The following DMRT1 variants were observed in gnomAD, a reference collection of about 807,000 sequenced individuals.
DMRT1 encodes doublesex- and mab-3-related transcription factor 1.
DMRT1 carries 7 observed loss-of-function variants against 32.3 expected under a neutral mutation model. The observed-to-expected ratio is 0.22, with a 90% confidence interval of 0.12 to 0.41. The LOEUF is 0.41. Ranked by LOEUF, DMRT1 falls within the 10% of genes least tolerant of loss-of-function variation. DMRT1 has a pLI of 1.00. For missense variants in DMRT1, 625 were observed against 500.5 expected (o/e 1.25, Z -2.37); for synonymous variants, 278 against 206.1 (o/e 1.35, Z -2.99).
Position 963,619 on chromosome 9 carries a change from T to G in DMRT1, c.968-4366T>G, listed in dbSNP as rs947185300. Among the ~76,000 whole-genome samples the G allele has an allele frequency of 3.3e-5, 5 of 152,190 alleles. No homozygotes were observed. In the East Asian group the frequency reaches 9.6e-4, roughly 29 times the overall value. Reference sequence around the variant, plus strand: ...CATTCATATCTTTACCTTTTATCCCTTGTTCTGAGTGCCAAGAATTAATGC... The same window carrying G: ...CATTCATATCTTTACCTTTTATCCCGTGTTCTGAGTGCCAAGAATTAATGC... On this transcript the variant is annotated intron_variant, in intron 4 of 4. Transcript: ENST00000382276.
At chr9:897,107 ATT>A (rs1427026293) in intron 3 of DMRT1, among the ~76,000 whole-genome samples, 34 of 148,148 alleles carry the variant, frequency 2.3e-4, no homozygotes, top group Non-Finnish European at 4.6e-4. Context: ...TATTATTATT[ATT>A]ATTATTATTA....
chr9:944,587 A>G (rs1169805663), intron 4 of DMRT1, among the ~76,000 whole-genome samples: 1 of 152,216 alleles, frequency 6.6e-6, no homozygotes, highest in Non-Finnish European at 1.5e-5. Flanking sequence ...CGGATCTTTA[A>G]TGGTGGAATT....
At chr9:941,802 A>G (rs1020986251) in intron 4 of DMRT1, among the ~76,000 whole-genome samples, 18 of 152,116 alleles carry the variant, frequency 1.2e-4, no homozygotes, top group African/African-American at 4.3e-4. Flanking sequence ...TGATAACATT[A>G]TTTTCTCTTT....
chr9:920,158 C>T (rs1297586812), intron 4 of DMRT1, among the ~76,000 whole-genome samples: 1 of 152,088 alleles, frequency 6.6e-6, no homozygotes, highest in Non-Finnish European at 1.5e-5. Context: ...GGGGAAATAT[C>T]TCTACTGGAG....
chr9:921,571 T>C (rs1818355548), intron 4 of DMRT1, among the ~76,000 whole-genome samples: 1 of 152,136 alleles, frequency 6.6e-6, no homozygotes, highest in Non-Finnish European at 1.5e-5. Flanking sequence ...CATGTTACTG[T>C]TTTTCACAGC....
At chr9:851,953 T>A (rs1815157394) in intron 2 of DMRT1, among the ~76,000 whole-genome samples, 1 of 151,882 alleles carries the variant, frequency 6.6e-6, no homozygotes, top group Admixed American at 6.6e-5. Context: ...TTTTGTTTTT[T>A]TTTTTTGAGA....
chr9:951,627 G>C (rs1225612410), intron 4 of DMRT1, among the ~76,000 whole-genome samples: 1 of 152,188 alleles, frequency 6.6e-6, no homozygotes, highest in Non-Finnish European at 1.5e-5. Flanking sequence ...GGGTAAATTA[G>C]TTTAATTGAA....
intron 4 of DMRT1, among the ~76,000 whole-genome samples, chr9:938,679 C>A (rs1428506173): frequency 6.6e-6 from 1 of 152,176 alleles, no homozygotes; most frequent in Non-Finnish European, 1.5e-5. Context: ...AATAAGTTTA[C>A]ATCCTCTGTG....
intron 2 of DMRT1, among the ~76,000 whole-genome samples, chr9:870,679 C>G (rs985417808): frequency 2.3e-5 from 3 of 131,574 alleles, no homozygotes; most frequent in Non-Finnish European, 4.9e-5. Flanking sequence ...GTTCTTTAAG[C>G]TTAGGTTCCC....
intron 2 of DMRT1, among the ~76,000 whole-genome samples, chr9:874,578 C>T (rs554957522): frequency 6.6e-6 from 1 of 152,008 alleles, no homozygotes; most frequent in Non-Finnish European, 1.5e-5. Flanking sequence ...ACTCCCTGCT[C>T]CTAGTTAGAA....
chr9:937,467 T>A (rs951029071), intron 4 of DMRT1, among the ~76,000 whole-genome samples: 9 of 152,240 alleles, frequency 5.9e-5, no homozygotes, highest in Non-Finnish European at 1.3e-4. Context: ...CAGTCAGCAG[T>A]GCATGATGGT....
chr9:895,200 G>C (rs566898218), intron 3 of DMRT1, among the ~76,000 whole-genome samples: 1 of 152,164 alleles, frequency 6.6e-6, no homozygotes, highest in Admixed American at 6.5e-5. Context: ...TTAGAGAAGG[G>C]AGCGTTTATC....
chr9:846,735 C>T (rs1321506475), intron 1 of DMRT1, among the ~76,000 whole-genome samples: 1 of 152,144 alleles, frequency 6.6e-6, no homozygotes, highest in Non-Finnish European at 1.5e-5. Context: ...TATCTGCGAC[C>T]ATGTCTGGCA....
intron 2 of DMRT1, among the ~76,000 whole-genome samples, chr9:859,503 A>G (rs1003110863): frequency 6.6e-6 from 1 of 152,168 alleles, no homozygotes; most frequent in African/African-American, 2.4e-5. Flanking sequence ...GCGGTTGTCA[A>G]AAGCAGCTAT....
At chr9:906,033 A>C (rs1318880239) in intron 3 of DMRT1, among the ~76,000 whole-genome samples, 5 of 74,306 alleles carry the variant, frequency 6.7e-5, no homozygotes, top group South Asian at 4.8e-4. Context: ...ACACACACCC[A>C]CACACACACA....
At chr9:935,568 AT>A (rs1818859136) in intron 4 of DMRT1, among the ~76,000 whole-genome samples, 1 of 152,232 alleles carries the variant, frequency 6.6e-6, no homozygotes, top group Admixed American at 6.5e-5. Flanking sequence ...TCGCTTCCGC[AT>A]ACCAGTCTCG....
At chr9:851,046 G>GA (rs200613261) in intron 2 of DMRT1, among the ~76,000 whole-genome samples, 94,791 of 126,596 alleles carry the variant, frequency 0.75, 34,163 homozygotes, top group Non-Finnish European at 0.81. Flanking sequence ...AAAAAAAAAA[G>GA]AAAGAAAAAT....
chr9:934,000 C>T (rs1236536513), intron 4 of DMRT1, among the ~76,000 whole-genome samples: 2 of 149,166 alleles, frequency 1.3e-5, no homozygotes, highest in Non-Finnish European at 2.9e-5. Flanking sequence ...GATCCTTGGA[C>T]CTAACCTGTG....
chr9:893,015 A>C (rs2132650380), intron 2 of DMRT1, among the ~76,000 whole-genome samples: 1 of 152,178 alleles, frequency 6.6e-6, no homozygotes, highest in South Asian at 2.1e-4. Flanking sequence ...CTAGGCTACA[A>C]GCCATCTCTG....
Sources: allele counts gnomAD v4.1 joint callset (sites outside exome capture counted in the v4.1 genomes callset), GRCh38; gene constraint gnomAD v4.1.1; transcripts MANE v1.5; gene names NCBI Gene and HGNC (gene_info 2026-07-23, HGNC 2026-07-21).